STAG1: variants seen among roughly 807,000 people sequenced by gnomAD.
STAG1 encodes the protein STAG1 cohesin complex component, also known as cohesin subunit SA-1.
A neutral mutation model predicts 170.9 loss-of-function variants in STAG1; 26 were observed. That is an observed-to-expected ratio of 0.15 (90% confidence interval 0.11 to 0.21). STAG1 has a LOEUF of 0.21. Ranked by LOEUF, STAG1 falls within the 10% of genes least tolerant of loss-of-function variation. STAG1 has a pLI of 1.00. For synonymous variants in STAG1, 514 were observed against 497.7 expected (o/e 1.03, Z -0.44); for missense variants, 964 against 1,509.5 (o/e 0.64, Z 5.99).
chr3:136,705,642 A>T (rs1347141590), intron 1 of STAG1, among the ~76,000 whole-genome samples: 2 of 149,492 alleles, frequency 1.3e-5, no homozygotes, highest in Non-Finnish European at 2.9e-5. Flanking sequence ...TTTATAAAGA[A>T]GAGCTTTCCT....
intron 4 of STAG1, among the ~76,000 whole-genome samples, chr3:136,586,505 C>T (rs570812914): frequency 2.6e-5 from 4 of 152,110 alleles, no homozygotes; most frequent in African/African-American, 7.2e-5. Flanking sequence ...GCTAAGCTCA[C>T]GAGTAACAGT....
chr3:136,636,374 A>T (rs1270858432), intron 1 of STAG1, among the ~76,000 whole-genome samples: 1 of 152,174 alleles, frequency 6.6e-6, no homozygotes, highest in Non-Finnish European at 1.5e-5. Context: ...TATGACAATG[A>T]TGTTATTTGT....
At chr3:136,367,734 G>A (rs1476472190) in intron 24 of STAG1, among the ~76,000 whole-genome samples, 1 of 151,978 alleles carries the variant, frequency 6.6e-6, no homozygotes, top group African/African-American at 2.4e-5. Flanking sequence ...TCCTAAACAT[G>A]GTTACATTAT....
chr3:136,660,495 T>C (rs965133397), intron 1 of STAG1, among the ~76,000 whole-genome samples: 1 of 151,950 alleles, frequency 6.6e-6, no homozygotes, highest in Non-Finnish European at 1.5e-5. Flanking sequence ...AAACTACAAA[T>C]AGGATAATTA....
At chr3:136,385,654 A>C (rs1031426300) in intron 22 of STAG1, among the ~76,000 whole-genome samples, 1 of 152,170 alleles carries the variant, frequency 6.6e-6, no homozygotes, top group Non-Finnish European at 1.5e-5. Context: ...CCATATATAA[A>C]AGGGCTAAAA....
chr3:136,402,033 C>T (rs1396543065), intron 21 of STAG1, among the ~76,000 whole-genome samples: 6 of 151,878 alleles, frequency 4.0e-5, no homozygotes, highest in African/African-American at 7.3e-5. Flanking sequence ...TGTGAGCCAC[C>T]GCGCCCACCC....
chr3:136,652,157 C>T (rs780657417), intron 1 of STAG1, among the ~76,000 whole-genome samples: 1 of 152,100 alleles, frequency 6.6e-6, no homozygotes, highest in Non-Finnish European at 1.5e-5. Flanking sequence ...CACATCAAAA[C>T]GAACAAGTTA....
chr3:136,686,647 T>A (rs187514371), intron 1 of STAG1, among the ~76,000 whole-genome samples: 3 of 152,274 alleles, frequency 2.0e-5, no homozygotes, highest in Admixed American at 1.3e-4. Flanking sequence ...ACAGCTCTAA[T>A]CCATGAACCC....
At chr3:136,539,219 T>C (rs1178236891) in intron 6 of STAG1, among the ~76,000 whole-genome samples, 1 of 152,196 alleles carries the variant, frequency 6.6e-6, no homozygotes, top group East Asian at 1.9e-4. Context: ...TAATTTGAGC[T>C]TTCCCCTATC....
At chr3:136,458,485 T>G (rs1007521639) in intron 13 of STAG1, among the ~76,000 whole-genome samples, 12 of 152,160 alleles carry the variant, frequency 7.9e-5, no homozygotes, top group African/African-American at 2.9e-4. Flanking sequence ...CTACAAGATA[T>G]TTTTTACAAG....
intron 6 of STAG1, among the ~76,000 whole-genome samples, chr3:136,531,956 G>T (rs897735374): frequency 1.3e-5 from 2 of 148,906 alleles, no homozygotes; most frequent in African/African-American, 4.9e-5. Context: ...ACAATTTAAT[G>T]ATGCACCTCA....
At chr3:136,528,676 G>A (rs1207540557) in intron 6 of STAG1, among the ~76,000 whole-genome samples, 3 of 152,158 alleles carry the variant, frequency 2.0e-5, no homozygotes, top group South Asian at 2.1e-4. Flanking sequence ...CAAGTCAGGC[G>A]CAGGGGCTCA....
At chr3:136,548,206 C>A (rs1221337632) in intron 5 of STAG1, among the ~76,000 whole-genome samples, 1 of 151,808 alleles carries the variant, frequency 6.6e-6, no homozygotes, top group East Asian at 1.9e-4. Context: ...CTTGACCTCC[C>A]CAGCTCAGGT....
chr3:136,691,698 T>C (rs1242293883), intron 1 of STAG1, among the ~76,000 whole-genome samples: 2 of 152,240 alleles, frequency 1.3e-5, no homozygotes, highest in East Asian at 3.8e-4. Flanking sequence ...GGCCCAGATA[T>C]TTAACTTGTG....
At chr3:136,456,828 T>G (rs1299448401) in intron 13 of STAG1, among the ~76,000 whole-genome samples, 1 of 152,224 alleles carries the variant, frequency 6.6e-6, no homozygotes. Context: ...AGCAGAAATC[T>G]TGAAGGTCAG....
In STAG1 at chr3:136,628,762, T is replaced by C. The variant is rs374335928; in HGVS notation, c.29+2108A>G. The stretch of plus-strand genomic sequence containing the variant: ...AAGCTTCTTTGCAAAAAGAACTAAG[T>C]CTGCTCTACATGTTATATCTACCCA... On this transcript the variant is annotated intron_variant, in intron 2 of 33. Transcript: ENST00000383202. Among the ~76,000 whole-genome samples, 41 of 152,358 alleles carry C rather than the reference T, an allele frequency of 2.7e-4. 1 individual carries two copies. The East Asian group carries it at 7.3e-3, about 27-fold the overall frequency.
rs372830429 is a variant in STAG1, at chr3:136,355,819, T to C, written c.3065+1901A>G. On this transcript the variant is annotated intron_variant, in intron 28 of 33. Coordinates refer to ENST00000383202, the MANE Select transcript of STAG1 (RefSeq NM_005862.3). ...ACATAAAAATTAAACAAAATACTCC[T>C]GAATAACCAATAGGTTAAAGAAGAA... Among the ~76,000 whole-genome samples, 18 of 152,222 alleles carry C rather than the reference T, an allele frequency of 1.2e-4. No homozygotes were observed. In the East Asian group the frequency reaches 3.5e-3, roughly 29 times the overall value.
intron 22 of STAG1, among the ~76,000 whole-genome samples, chr3:136,397,060 A>G (rs1286846423): frequency 6.6e-6 from 1 of 152,210 alleles, no homozygotes; most frequent in Non-Finnish European, 1.5e-5. Flanking sequence ...CTCCATATCA[A>G]GCTGTTTGTT....
intron 1 of STAG1, among the ~76,000 whole-genome samples, chr3:136,666,074 C>CAAAAAAAAAAAAAAAAAAAAAAAAA: frequency 2.0e-5 from 1 of 51,170 alleles, no homozygotes; most frequent in East Asian, 1.1e-3. Context: ...GACTCCATCT[C>CAAAAAAAAAAAAAAAAAAAAAAAAA]AAAAAAAAAA....
Sources: allele counts gnomAD v4.1 joint callset (sites outside exome capture counted in the v4.1 genomes callset), GRCh38; gene constraint gnomAD v4.1.1; transcripts MANE v1.5; gene names NCBI Gene and HGNC (gene_info 2026-07-23, HGNC 2026-07-21).